The following SLC30A10 variants were observed in gnomAD, a reference collection of about 807,000 sequenced individuals.
SLC30A10 encodes solute carrier family 30 member 10.
A neutral mutation model predicts 21.7 loss-of-function variants in SLC30A10; 8 were observed. The observed-to-expected ratio is 0.37, with a 90% CI of 0.22 to 0.67. SLC30A10 has a LOEUF of 0.67. SLC30A10 is among the 30% of genes least tolerant of loss of function. SLC30A10 has a pLI of 0.58. For synonymous variants in SLC30A10, 272 were observed against 279.4 expected (o/e 0.97, Z 0.26); for missense variants, 521 against 642.5 (o/e 0.81, Z 2.04).
Position 219,918,532 on chromosome 1 carries a change from T to TA in SLC30A10, c.719-39_719-38insT. The TA allele has an allele frequency of 6.5e-7, 1 of 1,537,148 alleles. No individual in the cohort carries two copies. The highest frequency in any genetic ancestry group is 1.3e-5 in the South Asian group (1 of 78,168). On this transcript the variant is annotated intron_variant, in intron 2 of 3. Transcript: ENST00000366926. This position sits in a 1 kb window ranked among gnomAD's most constrained non-coding sequence, Gnocchi z 4.4. ...AAGACTACTGCAGCACAGATGCAAA[T>TA]CTGGAAGCCACGTGACACTCACTGA...
intron 2 of SLC30A10, among the ~76,000 whole-genome samples, chr1:219,925,980 C>T (rs890912379): frequency 6.6e-6 from 1 of 151,964 alleles, no homozygotes; most frequent in Non-Finnish European, 1.5e-5. Context: ...TATTTTTAAA[C>T]TGGACCTTAA....
rs537683472 is a variant in SLC30A10 at position 219,955,965 on chromosome 1, A to G, written n.80+2603T>C. ...CATATTTGTTCTTAAAATGTGAGCC[A>G]ATTGATATCAGGTTAATGTCAATTT... On this transcript the variant is annotated intron_variant and non_coding_transcript_variant, in intron 1 of 8. Coordinates refer to the SLC30A10 transcript ENST00000484239. 2.0e-5 allele frequency among the ~76,000 whole-genome samples: 3 copies of G among 152,322 alleles called. No individual in the cohort carries two copies. In the South Asian group the frequency reaches 6.2e-4, roughly 32 times the overall value.
chr1:219,937,390 T>C (rs1460559643), intron 1 of SLC30A10, among the ~76,000 whole-genome samples: 1 of 152,268 alleles, frequency 6.6e-6, no homozygotes, highest in Non-Finnish European at 1.5e-5. Context: ...AAAAATCTTC[T>C]ATTATATCTT....
intron 1 of SLC30A10, among the ~76,000 whole-genome samples, chr1:219,954,962 A>G (rs2647439): frequency 0.86 from 130,196 of 152,018 alleles, 56,051 homozygotes; most frequent in African/African-American, 0.94. Context: ...GGAGGGTTTT[A>G]GTAGCTTGAT....
In SLC30A10 at chr1:219,948,502, G is replaced by A. The variant is rs550889783; in HGVS notation, n.80+10066C>T. On this transcript the variant is annotated intron_variant and non_coding_transcript_variant, in intron 1 of 8. Transcript: ENST00000484239. ...TTTTTGACAAACCTGAGAAAAACAAGCAATGGGGAAAAGATTCCCTATTTA... is the reference window on the plus strand; with the variant it reads ...TTTTTGACAAACCTGAGAAAAACAAACAATGGGGAAAAGATTCCCTATTTA... Among the ~76,000 whole-genome samples the A allele has an allele frequency of 1.1e-4, 17 of 152,290 alleles. No individual in the cohort carries two copies. In the East Asian group the frequency reaches 3.3e-3, roughly 29 times the overall value.
intron 1 of SLC30A10, 57 bp from the exon 2 acceptor site, chr1:219,927,162 A>C (rs766663953): frequency 6.4e-7 from 1 of 1,567,038 alleles, no homozygotes; most frequent in Non-Finnish European, 8.8e-7. Flanking sequence ...AAACAAAAAA[A>C]AACCAATGGA....
chr1:219,927,764 A>C, intron 1 of SLC30A10, 37 bp downstream of exon 1: 1 of 1,474,132 alleles, frequency 6.8e-7, no homozygotes, highest in East Asian at 2.9e-5. Flanking sequence ...GGAGGAAGGA[A>C]GGGCCAAGCG....
chr1:219,927,824 G>T lies in SLC30A10; in HGVS notation c.617C>A (p.Ala206Glu). 6.5e-7 allele frequency: 1 copy of T among 1,546,310 alleles called. No homozygotes were observed. The highest frequency in any genetic ancestry group is 8.7e-7 in the Non-Finnish European group (1 of 1,146,692). The change falls in exon 1 of 4, where the codon GCG becomes GAG. Residue 206 changes from alanine (A) to glutamate (E), a missense_variant. By Grantham distance (107) the Ala-to-Glu change is moderately radical. Coordinates refer to ENST00000366926, the MANE Select transcript of SLC30A10 (RefSeq NM_018713.3). ...ACCTGCTACGTTTGCGAACACGGTC[G>T]CCCCCTTCTCCCGCTTCCTTTCCAC... ...TSVERKREKGATVFANVAGDS... is the reference protein window; with the variant it reads ...TSVERKREKGETVFANVAGDS...
chr1:219,915,464 G>T lies in SLC30A10; in HGVS notation c.1443C>A (p.Asn481Lys), dbSNP rs1471681643. The T allele has an allele frequency of 1.2e-6, 2 of 1,613,852 alleles. No homozygotes were observed. Among genetic ancestry groups the T allele is most frequent in the Admixed American group, 3.3e-5 (2 of 59,996 alleles). ...GAGTACCAGATTAAAAATGCGTTCT[G>T]TTGACATAACATTGGTCCTCCTGAG... Reference protein sequence around the residue: ...NKTQEDQCYVNRTHF With the variant: ...NKTQEDQCYVKRTHF The change falls in exon 4 of 4, where the codon AAC becomes AAA. Residue 481 changes from asparagine to lysine, a missense_variant. Coordinates refer to ENST00000366926, the MANE Select transcript of SLC30A10 (RefSeq NM_018713.3).
At chr1:219,955,186 T>C (rs1660329843) in intron 1 of SLC30A10, among the ~76,000 whole-genome samples, 1 of 152,170 alleles carries the variant, frequency 6.6e-6, no homozygotes, top group African/African-American at 2.4e-5. Context: ...CCCTTCAACC[T>C]TTCCCCTACT....
intron 1 of SLC30A10, among the ~76,000 whole-genome samples, chr1:219,946,337 T>C (rs2102544805): frequency 6.6e-6 from 1 of 152,254 alleles, no homozygotes; most frequent in South Asian, 2.1e-4. Flanking sequence ...CCAAACCTGT[T>C]CCAAAGGATG....
intron 1 of SLC30A10, among the ~76,000 whole-genome samples, chr1:219,934,599 T>C (rs1025522968): frequency 2.6e-5 from 4 of 152,224 alleles, no homozygotes; most frequent in Middle Eastern, 3.2e-3. Flanking sequence ...ACCAGGATGA[T>C]GCCTTTTTTT....
chr1:219,928,595 A>T, upstream of SLC30A10: 81 of 479,528 alleles, frequency 1.7e-4, no homozygotes, highest in East Asian at 2.2e-4. This position sits in a 1 kb window ranked among gnomAD's most constrained non-coding sequence, Gnocchi z 6.3. Flanking sequence ...TTATAACGCG[A>T]GGCCGAGCGC....
rs59792236 is a variant in SLC30A10, at chr1:219,912,170, C to CAAAAAAAAAA, written c.*3269_*3278dup. Among the ~76,000 whole-genome samples the CAAAAAAAAAA allele has an allele frequency of 4.0e-5, 3 of 74,692 alleles. No homozygotes were observed. Among genetic ancestry groups the CAAAAAAAAAA allele is most frequent in the Admixed American group, 1.6e-4 (1 of 6,236 alleles). 49.0% of individuals were successfully genotyped at this position (74,692 alleles called of 152,430 possible). Reference sequence around the variant, plus strand: ...CCACTGGAATTTGCTCTACCAATGGCAAAAAAAAAAAAAAAAAAAAAAAAA... The same window carrying CAAAAAAAAAA: ...CCACTGGAATTTGCTCTACCAATGGCAAAAAAAAAAAAAAAAAAAAAAAAAAAAAAAAAAA... On this transcript the variant is annotated 3_prime_UTR_variant, in exon 4 of 4. Transcript: ENST00000366926.
intron 2 of SLC30A10, among the ~76,000 whole-genome samples, chr1:219,919,470 C>T (rs900423620): frequency 2.2e-4 from 33 of 152,102 alleles, no homozygotes; most frequent in African/African-American, 7.5e-4. Flanking sequence ...TCTGAACCTG[C>T]GTTTTAAAAA....
intron 1 of SLC30A10, among the ~76,000 whole-genome samples, chr1:219,945,907 T>C (rs776057705): frequency 2.0e-5 from 3 of 152,126 alleles, no homozygotes; most frequent in Non-Finnish European, 4.4e-5. Context: ...TGGAAAACAA[T>C]CCAGACTGAA....
In SLC30A10 at chr1:219,915,657, G is replaced by A. The variant is rs377640108; in HGVS notation, c.1250C>T (p.Pro417Leu). Reference sequence around the variant, plus strand: ...GACGTGAGCCAGAGGCAGTGCCCCGGGGGGACAACACAGCTGCTTAGCACA... The same window carrying A: ...GACGTGAGCCAGAGGCAGTGCCCCGAGGGGACAACACAGCTGCTTAGCACA... The part of the protein sequence containing the change: ...KGCAKQLCCP[P>L]GALPLAHVNG... Residue 417 changes from proline to leucine, a missense_variant, in exon 4 of 4, where the codon CCC (proline) becomes CTC (leucine). Transcript: ENST00000366926. 97 of 1,614,124 alleles carry A rather than the reference G, an allele frequency of 6.0e-5. 1 individual carries two copies. Among genetic ancestry groups the A allele is most frequent in the Non-Finnish European group, 7.6e-5 (90 of 1,180,048 alleles).
At chr1:219,924,775 G>T (rs72740976) in intron 2 of SLC30A10, among the ~76,000 whole-genome samples, 12 of 152,290 alleles carry the variant, frequency 7.9e-5, no homozygotes, top group Non-Finnish European at 5.9e-5. Flanking sequence ...ATGTTAGCTA[G>T]TTTTCCTACT....
Position 219,911,149 on chromosome 1 carries a change from G to GTTTTTTTTTGTTTTTTTTTTT in SLC30A10, c.*4299_*4300insAAAAAAAAAAACAAAAAAAAA, listed in dbSNP as rs1659401231. The stretch of plus-strand genomic sequence containing the variant: ...ATGTTTCTTCATTTTTTCTACATCA[G>GTTTTTTTTTGTTTTTTTTTTT]TTTTTTTTTTTTTTTTTTTTTTTTT... On this transcript the variant is annotated 3_prime_UTR_variant, in exon 4 of 4. Coordinates refer to ENST00000366926, the MANE Select transcript of SLC30A10 (RefSeq NM_018713.3). Among the ~76,000 whole-genome samples, 1 of 49,402 alleles carries GTTTTTTTTTGTTTTTTTTTTT rather than the reference G, an allele frequency of 2.0e-5. No homozygotes were observed. The highest frequency in any genetic ancestry group is 5.8e-5 in the African/African-American group (1 of 17,160). 32.4% of individuals were successfully genotyped at this position (49,402 alleles called of 152,430 possible).
Sources: gnomAD v4.1 joint callset for allele counts (sites outside exome capture counted in the v4.1 genomes callset) on GRCh38, gnomAD v4.1.1 for gene constraint, Gnocchi (gnomAD v3.1) non-coding constraint, MANE v1.5 for transcripts, NCBI Gene and HGNC (gene_info 2026-07-23, HGNC 2026-07-21) for gene names.